The following ANK2 variants were observed in gnomAD, a reference collection of about 807,000 sequenced individuals.
The protein encoded by ANK2 is ankyrin 2, also known as ankyrin-2.
ANK2 carries 83 observed loss-of-function variants against 360.5 expected under a neutral mutation model. That is an observed-to-expected ratio of 0.23 (90% CI 0.19 to 0.28). The LOEUF is 0.28. ANK2 is among the 10% of genes least tolerant of loss of function. The probability of loss-of-function intolerance (pLI) is 1.00; values close to 1 mark genes in which losing one functional copy is unlikely to be tolerated. For missense variants in ANK2, 4,201 were observed against 4,795.7 expected (o/e 0.88, Z 3.66); for synonymous variants, 1,740 against 1,759.5 (o/e 0.99, Z 0.28).
rs148419361 is a variant in ANK2 at position 113,181,959 on chromosome 4, G to A, written c.186+7442G>A. ...GGTTTTTAGTGGAAGAGTGACATAC[G>A]CTGACGAGTCTTAATAGTAAGGCTC... On this transcript the variant is annotated intron_variant, in intron 2 of 45. Coordinates refer to ENST00000357077, the MANE Select transcript of ANK2 (RefSeq NM_001148.6). Among the ~76,000 whole-genome samples the A allele has an allele frequency of 2.3e-3, 354 of 151,218 alleles. 3 individuals carry two copies. The highest frequency in any genetic ancestry group is 8.0e-3 in the African/African-American group (329 of 40,994).
intron 26 of ANK2, among the ~76,000 whole-genome samples, chr4:113,328,601 G>A (rs2091269340): frequency 6.6e-6 from 1 of 152,152 alleles, no homozygotes; most frequent in East Asian, 1.9e-4. Context: ...CAACACTTCA[G>A]TACTGAACTG....
chr4:112,910,784 C>T (rs1218466073), intron 2 of ANK2, among the ~76,000 whole-genome samples: 1 of 152,012 alleles, frequency 6.6e-6, no homozygotes, highest in Non-Finnish European at 1.5e-5. Flanking sequence ...TGGAAGACAA[C>T]TATTAAGAGA....
chr4:112,922,631 C>T (rs562978495), intron 2 of ANK2, among the ~76,000 whole-genome samples: 62 of 152,208 alleles, frequency 4.1e-4, no homozygotes, highest in Middle Eastern at 3.4e-3. Flanking sequence ...GTGACAGAGT[C>T]AAAGATGGGG....
At chr4:113,253,350 A>G (rs1426812756) in intron 10 of ANK2, among the ~76,000 whole-genome samples, 1 of 152,110 alleles carries the variant, frequency 6.6e-6, no homozygotes, top group Non-Finnish European at 1.5e-5. Context: ...GCACTCACTT[A>G]CTATGAAATC....
At chr4:113,155,118 C>T (rs2097234623) in intron 1 of ANK2, among the ~76,000 whole-genome samples, 1 of 152,092 alleles carries the variant, frequency 6.6e-6, no homozygotes, top group African/African-American at 2.4e-5. Context: ...TTATTGAGCC[C>T]CTATTATCTG....
intron 1 of ANK2, among the ~76,000 whole-genome samples, chr4:113,135,525 G>C (rs1010804170): frequency 2.8e-4 from 42 of 149,768 alleles, no homozygotes; most frequent in Non-Finnish European, 4.8e-4. Context: ...GTGTCTCTCT[G>C]TGTGTGTGTG....
At chr4:112,805,120 T>C in the ANK2 span, among the ~76,000 whole-genome samples, 1 of 152,128 alleles carries the variant, frequency 6.6e-6, no homozygotes, top group African/African-American at 2.4e-5. Flanking sequence ...TGTGACCAGA[T>C]CATCCCTGAA....
intron 38 of ANK2, among the ~76,000 whole-genome samples, chr4:113,359,817 A>G (rs1295744064): frequency 1.3e-5 from 2 of 152,206 alleles, no homozygotes; most frequent in African/African-American, 2.4e-5. Context: ...TTTTTGATTC[A>G]GAAAGGTTGG....
intron 18 of ANK2, among the ~76,000 whole-genome samples, chr4:113,286,455 A>G (rs1178540510): frequency 2.6e-5 from 4 of 152,194 alleles, no homozygotes; most frequent in African/African-American, 9.6e-5. Context: ...TCTAGGTTTC[A>G]CTTACATTTT....
At chr4:112,849,524 C>A (rs1346111592) in intron 1 of ANK2, among the ~76,000 whole-genome samples, 2 of 152,190 alleles carry the variant, frequency 1.3e-5, no homozygotes, top group African/African-American at 4.8e-5. Flanking sequence ...ATTTCTCCTT[C>A]TTCTTTGTTA....
intron 2 of ANK2, among the ~76,000 whole-genome samples, chr4:112,989,551 CT>C (rs2046053169): frequency 6.6e-6 from 1 of 152,176 alleles, no homozygotes; most frequent in South Asian, 2.1e-4. Context: ...TCTCATTATG[CT>C]TATGTAAAGT....
chr4:112,839,818 A>G (rs1178692340), intron 1 of ANK2, among the ~76,000 whole-genome samples: 1 of 152,214 alleles, frequency 6.6e-6, no homozygotes, highest in Non-Finnish European at 1.5e-5. Flanking sequence ...TTTTGATTGA[A>G]GGATGACTTT....
At chr4:113,186,568 C>A (rs985766294) in intron 2 of ANK2, among the ~76,000 whole-genome samples, 5 of 79,490 alleles carry the variant, frequency 6.3e-5, no homozygotes, top group Admixed American at 5.5e-4. Flanking sequence ...GTGTCTCTCT[C>A]TCTCTCTCTC....
At chr4:113,199,814 AC>A in intron 4 of ANK2, among the ~76,000 whole-genome samples, 1 of 152,304 alleles carries the variant, frequency 6.6e-6, no homozygotes, top group South Asian at 2.1e-4. Flanking sequence ...CTTTCTGATA[AC>A]ACAGACTATA....
At chr4:113,213,607 T>C (rs1271364612) in intron 4 of ANK2, among the ~76,000 whole-genome samples, 1 of 152,240 alleles carries the variant, frequency 6.6e-6, no homozygotes, top group African/African-American at 2.4e-5. Context: ...ATAATTTACA[T>C]TGATTTAATT....
At chr4:113,031,301 C>A (rs979596977) in intron 2 of ANK2, 2 of 151,960 alleles carry the variant, frequency 1.3e-5, no homozygotes, top group Non-Finnish European at 2.9e-5. Context: ...CTCAAAATTT[C>A]TCTTTATTGC....
the ANK2 span, chr4:112,788,468 C>T: frequency 6.2e-7 from 1 of 1,601,990 alleles, no homozygotes; most frequent in Non-Finnish European, 8.5e-7. Context: ...GGTGTTAACT[C>T]CTGCTCAAAG....
At chr4:113,335,377 C>T (rs578083475) in intron 29 of ANK2, among the ~76,000 whole-genome samples, 12 of 152,264 alleles carry the variant, frequency 7.9e-5, no homozygotes, top group Non-Finnish European at 1.5e-4. Context: ...CATTATTCCC[C>T]TGAAAACCCA....
chr4:112,981,248 T>C (rs1161657780), intron 2 of ANK2, among the ~76,000 whole-genome samples: 1 of 152,216 alleles, frequency 6.6e-6, no homozygotes, highest in Non-Finnish European at 1.5e-5. Context: ...GGTATGAAAT[T>C]GCGGAGTAGA....
Sources: gnomAD v4.1 joint callset for allele counts (sites outside exome capture counted in the v4.1 genomes callset) on GRCh38, gnomAD v4.1.1 for gene constraint, MANE v1.5 for transcripts, NCBI Gene and HGNC (gene_info 2026-07-23, HGNC 2026-07-21) for gene names.